The following EXOSC10 variants were observed in gnomAD, a reference collection of about 807,000 sequenced individuals.
EXOSC10 encodes exosome complex component 10.
EXOSC10 carries 94 observed loss-of-function variants against 126.6 expected under a neutral mutation model. The observed-to-expected ratio is 0.74, with a 90% CI of 0.63 to 0.88. EXOSC10 has a LOEUF of 0.88. Among genes scored for constraint, EXOSC10 ranks in the 40% least tolerant of loss-of-function variants. EXOSC10 has a pLI of 0.00. For synonymous variants in EXOSC10, 395 were observed against 400.8 expected, an observed-to-expected ratio of 0.99 and a Z score of 0.17; for missense variants, 1,041 against 1,100.5, an observed-to-expected ratio of 0.95 and a Z score of 0.77.
At chr1:11,072,815 T>C (rs577012847) in intron 19 of EXOSC10, 23 of 152,412 alleles carry the variant, frequency 1.5e-4, no homozygotes, top group African/African-American at 5.3e-4. Context: ...CAGTCGCCCA[T>C]GTCATCAGAG....
In EXOSC10 at chr1:11,076,905, T is replaced by G. The variant is rs1639848512; in HGVS notation, c.1923A>C (p.Glu641Asp). The change falls in exon 17 of 25, where the codon GAA becomes GAC. Residue 641 changes from glutamate to aspartate, a missense_variant. This residue lies in a region of EXOSC10 where 388 missense variants were observed against 415.2 expected (regional missense o/e 0.93). Transcript: ENST00000376936. ...TGGTACCCAGCAAGTTATCTTCTTT[T>G]TCATCAGGGAAGAGGCTCGCCTGCT... ...VQKQASLFPD[E>D]KEDNLLGTTC... 1.2e-6 allele frequency: 2 copies of G among 1,613,914 alleles called. No homozygotes were observed. Among genetic ancestry groups the G allele is most frequent in the South Asian group, 1.1e-5 (1 of 91,084 alleles).
chr1:11,077,244 G>T, intron 16 of EXOSC10, 121 bp downstream of exon 16: 1 of 1,016,058 alleles, frequency 9.8e-7, no homozygotes, highest in Non-Finnish European at 1.5e-6. Flanking sequence ...ACCCGCCTCA[G>T]CCTTCCAATA....
At chr1:11,091,289 T>C in intron 4 of EXOSC10, 110 bp from the exon 5 acceptor site, 1 of 1,140,736 alleles carries the variant, frequency 8.8e-7, no homozygotes, top group Non-Finnish European at 1.3e-6. Flanking sequence ...AGGTCATTCA[T>C]TCATTTAAGA....
intron 11 of EXOSC10, 78 bp downstream of exon 11, chr1:11,081,004 G>A: frequency 6.3e-7 from 1 of 1,587,190 alleles, no homozygotes; most frequent in Non-Finnish European, 8.6e-7. Context: ...TGAATGTAAG[G>A]AGCAAACCTA....
intron 3 of EXOSC10, among the ~76,000 whole-genome samples, chr1:11,092,528 T>C (rs943933030): frequency 4.0e-5 from 6 of 151,480 alleles, no homozygotes; most frequent in African/African-American, 1.5e-4. Flanking sequence ...TTTCTTTTTT[T>C]TTTTTTTGAG....
rs533212430 is a variant in EXOSC10 at position 11,089,222 on chromosome 1, T to TAAAAAAAA, written c.759-1032_759-1025dup. Among the ~76,000 whole-genome samples, 168 of 49,748 alleles carry TAAAAAAAA rather than the reference T, an allele frequency of 3.4e-3. 1 individual carries two copies. Among genetic ancestry groups the TAAAAAAAA allele is most frequent in the African/African-American group, 9.2e-3 (159 of 17,202 alleles). 32.6% of individuals were successfully genotyped at this position (49,748 alleles called of 152,430 possible). On this transcript the variant is annotated intron_variant, in intron 6 of 24. Coordinates refer to ENST00000376936, the MANE Select transcript of EXOSC10 (RefSeq NM_001001998.3). The stretch of plus-strand genomic sequence containing the variant: ...CCCAGCCTGGGTGACAGAGCAAAAC[T>TAAAAAAAA]AAAAAAAAAAAAAAAAAAAAAAGTG...
intron 17 of EXOSC10, among the ~76,000 whole-genome samples, chr1:11,075,756 GGGCAGAGGGATTGCTTGAGCCCAGGA>G (rs980621705): frequency 6.6e-6 from 1 of 151,158 alleles, no homozygotes; most frequent in African/African-American, 2.4e-5. Context: ...GAGAAGGCTG[GGGCAGAGGGATTGCTTGAGCCCAGGA>G]GGCAGAGGTT....
chr1:11,077,037 G>C, intron 16 of EXOSC10, 89 bp from the exon 17 acceptor site: 2 of 956,620 alleles, frequency 2.1e-6, no homozygotes, highest in Non-Finnish European at 3.3e-6. Flanking sequence ...AGTCCCCTAG[G>C]CTGGAGTACA....
At chr1:11,071,111 C>G (rs928602581) in intron 20 of EXOSC10, 138 bp from the exon 21 acceptor site, 3 of 705,048 alleles carry the variant, frequency 4.3e-6, no homozygotes, top group Non-Finnish European at 7.2e-6. Flanking sequence ...CCCCGGTCCC[C>G]CATCTCTGCA....
At chr1:11,094,590 C>T (rs1374741868) in intron 3 of EXOSC10, among the ~76,000 whole-genome samples, 1 of 150,286 alleles carries the variant, frequency 6.7e-6, no homozygotes, top group African/African-American at 2.5e-5. Flanking sequence ...CGTGAACCAC[C>T]ATGCCAGGCC....
In EXOSC10 at chr1:11,069,748, A is replaced by G. The variant is rs775469001; in HGVS notation, c.2317-18T>C. 29 of 1,612,142 alleles carry G rather than the reference A, an allele frequency of 1.8e-5. No homozygotes were observed. The highest frequency in any genetic ancestry group is 8.4e-5 in the Admixed American group (5 of 59,622). On this transcript the variant is annotated intron_variant, in intron 21 of 24. Transcript: ENST00000376936. ...TTTTCTAGCTGTAGATCAGGAACAG[A>G]TGTGGGGGAGGAACAGGGAGGCACA...
At chr1:11,073,327 T>A (rs1639617875) in intron 19 of EXOSC10, among the ~76,000 whole-genome samples, 1 of 150,830 alleles carries the variant, frequency 6.6e-6, no homozygotes, top group South Asian at 2.1e-4. Context: ...AGAGACGGGG[T>A]TTCACCATGT....
chr1:11,083,467 CAGG>C (rs1383729426), intron 9 of EXOSC10, among the ~76,000 whole-genome samples: 2 of 147,150 alleles, frequency 1.4e-5, no homozygotes, highest in African/African-American at 5.1e-5. Flanking sequence ...GAGGCCGAGG[CAGG>C]AGAATTGCTT....
At position 11,082,705 on chromosome 1, in the gene EXOSC10, C is replaced by G; in HGVS notation, c.1263G>C (p.Leu421=). 6.2e-7 allele frequency: 1 copy of G among 1,614,174 alleles called. No individual in the cohort carries two copies. Among genetic ancestry groups the G allele is most frequent in the Non-Finnish European group, 8.5e-7 (1 of 1,180,020 alleles). ...AAACTGACCGTATTCTCCAATCAGCCAGCTGATATTGCTTGTTTGAGTCCA... is the reference window on the plus strand; with the variant it reads ...AAACTGACCGTATTCTCCAATCAGCGAGCTGATATTGCTTGTTTGAGTCCA... ...CNVDSNKQYQ[L]ADWRIRPLPE... The change falls in exon 10 of 25, where the codon CTG becomes CTC. Residue 421 remains leucine (L), a synonymous_variant. Coordinates refer to ENST00000376936, the MANE Select transcript of EXOSC10 (RefSeq NM_001001998.3).
At chr1:11,093,153 G>T (rs1048708463) in intron 3 of EXOSC10, among the ~76,000 whole-genome samples, 3 of 152,138 alleles carry the variant, frequency 2.0e-5, no homozygotes, top group African/African-American at 7.2e-5. Context: ...TGCATTATTT[G>T]CTCAAAGGCA....
chr1:11,098,776 G>C (rs1219332225), intron 1 of EXOSC10, among the ~76,000 whole-genome samples: 1 of 152,184 alleles, frequency 6.6e-6, no homozygotes, highest in East Asian at 1.9e-4. Flanking sequence ...GTGTCAAGTG[G>C]TTCTCTATTT....
chr1:11,088,420 G>A (rs1640619220), intron 6 of EXOSC10, among the ~76,000 whole-genome samples: 1 of 152,138 alleles, frequency 6.6e-6, no homozygotes, highest in Non-Finnish European at 1.5e-5. Context: ...AATTTCTTTA[G>A]AGAGCTGGAG....
intron 21 of EXOSC10, among the ~76,000 whole-genome samples, chr1:11,069,998 G>C (rs917965229): frequency 1.2e-4 from 19 of 152,092 alleles, no homozygotes; most frequent in Admixed American, 1.1e-3. Context: ...TGCTTTGGGC[G>C]GCCTAGGTGG....
At position 11,068,087 on chromosome 1, in the gene EXOSC10, G is replaced by T. The variant is rs1189728664; in HGVS notation, c.2551-3C>A. On this transcript the variant is annotated splice_region_variant and splice_polypyrimidine_tract_variant and intron_variant, in intron 23 of 24. Coordinates refer to ENST00000376936, the MANE Select transcript of EXOSC10 (RefSeq NM_001001998.3). ...ATTTTTTTGGCTGCAATGCATTTCT[G>T]AAAAGAAAAGAAACCGTTTAAGCTG... The T allele has an allele frequency of 1.9e-6, 3 of 1,613,776 alleles. No homozygotes were observed. In the East Asian group the frequency reaches 6.7e-5, roughly 36 times the overall value.
Sources: gnomAD v4.1 joint callset for allele counts (sites outside exome capture counted in the v4.1 genomes callset) on GRCh38, gnomAD v4.1.1 for gene constraint, gnomAD v4.1.1 regional missense constraint, MANE v1.5 for transcripts, NCBI Gene and HGNC (gene_info 2026-07-23, HGNC 2026-07-21) for gene names.